Variants in CALN1 observed in about 807,000 individuals in gnomAD.
CALN1 encodes the protein calneuron 1.
CALN1 carries 17 observed loss-of-function variants against 30.6 expected under a neutral mutation model. The observed-to-expected ratio is 0.56, with a 90% CI of 0.38 to 0.83. The LOEUF is 0.83. Ranked by LOEUF, CALN1 falls within the 40% of genes least tolerant of loss-of-function variation. The pLI, the probability that CALN1 is intolerant of heterozygous loss-of-function variation, is 0.00. For synonymous variants in CALN1, 156 were observed against 131.4 expected (o/e 1.19, Z -1.28); for missense variants, 291 against 354.9 (o/e 0.82, Z 1.45).
chr7:72,232,833 TA>T (rs781016306), intron 3 of CALN1, among the ~76,000 whole-genome samples: 10 of 152,160 alleles, frequency 6.6e-5, no homozygotes, highest in East Asian at 3.8e-4. Context: ...TAATACAACA[TA>T]AAAAGCCAAA....
intron 2 of CALN1, among the ~76,000 whole-genome samples, chr7:72,395,735 T>C (rs1585653116): frequency 6.6e-6 from 1 of 152,062 alleles, no homozygotes; most frequent in Non-Finnish European, 1.5e-5. Flanking sequence ...GAAACTCCCA[T>C]TGGATGTCGA....
chr7:72,289,499 A>G (rs1798326954), intron 2 of CALN1, among the ~76,000 whole-genome samples: 1 of 152,238 alleles, frequency 6.6e-6, no homozygotes, highest in South Asian at 2.1e-4. Flanking sequence ...TGGTCTCAAA[A>G]AGAAACACTC....
chr7:71,858,961 C>T (rs796716317), intron 5 of CALN1, among the ~76,000 whole-genome samples: 5 of 152,304 alleles, frequency 3.3e-5, no homozygotes, highest in African/African-American at 9.6e-5. Flanking sequence ...AGACCTGTCT[C>T]GGATATTTTG....
chr7:72,010,395 G>A (rs554761317), intron 5 of CALN1, among the ~76,000 whole-genome samples: 1 of 152,242 alleles, frequency 6.6e-6, no homozygotes, highest in East Asian at 1.9e-4. Context: ...GTAGTATTTA[G>A]TTACTGCAGC....
chr7:72,114,727 C>T (rs1180613199), intron 3 of CALN1, among the ~76,000 whole-genome samples: 2 of 151,756 alleles, frequency 1.3e-5, no homozygotes, highest in Admixed American at 6.6e-5. Context: ...GGCATGGCGG[C>T]TCATGCCTGT....
At chr7:72,181,869 T>C (rs1032154207) in intron 3 of CALN1, among the ~76,000 whole-genome samples, 8 of 152,338 alleles carry the variant, frequency 5.3e-5, no homozygotes, top group Non-Finnish European at 1.0e-4. Flanking sequence ...CTATCCAACA[T>C]ATCTCTATCA....
intron 5 of CALN1, among the ~76,000 whole-genome samples, chr7:72,008,790 G>C (rs1799916887): frequency 6.6e-6 from 1 of 151,500 alleles, no homozygotes; most frequent in Admixed American, 6.6e-5. Context: ...TATGTAGCTG[G>C]GATTACAGGT....
chr7:72,006,833 T>C (rs903131074), intron 5 of CALN1, among the ~76,000 whole-genome samples: 15 of 152,146 alleles, frequency 9.9e-5, no homozygotes, highest in African/African-American at 3.6e-4. Flanking sequence ...CCTCCAACCC[T>C]AGTCCGAGTC....
chr7:72,305,144 A>G (rs551977404), intron 2 of CALN1, among the ~76,000 whole-genome samples: 56 of 152,318 alleles, frequency 3.7e-4, no homozygotes, highest in Middle Eastern at 6.8e-3. Flanking sequence ...CAGGACAGAC[A>G]TGTGCCTCCC....
chr7:72,094,768 G>T (rs939448934), intron 4 of CALN1, among the ~76,000 whole-genome samples: 22 of 152,242 alleles, frequency 1.4e-4, no homozygotes, highest in Middle Eastern at 3.4e-3. Flanking sequence ...CATGTCCCAA[G>T]CAAGTCTGAA....
intron 3 of CALN1, among the ~76,000 whole-genome samples, chr7:72,276,773 G>A (rs941300756): frequency 5.9e-5 from 9 of 152,046 alleles, no homozygotes; most frequent in African/African-American, 2.2e-4. Flanking sequence ...CTATGCACTT[G>A]GACTTCCCAG....
At chr7:72,320,080 C>T (rs1045483054) in intron 2 of CALN1, among the ~76,000 whole-genome samples, 1 of 151,858 alleles carries the variant, frequency 6.6e-6, no homozygotes, top group Non-Finnish European at 1.5e-5. Flanking sequence ...GAGATCGTGC[C>T]GTTACACTCC....
chr7:71,916,748 G>T (rs1293794293), intron 5 of CALN1, among the ~76,000 whole-genome samples: 1 of 152,056 alleles, frequency 6.6e-6, no homozygotes, highest in Middle Eastern at 3.2e-3. Flanking sequence ...CATGGCAGAT[G>T]TTTACCTGTG....
chr7:72,387,293 G>T (rs1585633943), intron 2 of CALN1, among the ~76,000 whole-genome samples: 1 of 124,324 alleles, frequency 8.0e-6, no homozygotes, highest in African/African-American at 3.1e-5. Context: ...AGGGAGGGAG[G>T]GAGGGAGGGA....
chr7:72,097,780 C>G (rs943757078), intron 4 of CALN1, among the ~76,000 whole-genome samples: 1 of 152,032 alleles, frequency 6.6e-6, no homozygotes, highest in Admixed American at 6.5e-5. Context: ...ATGGCACAAT[C>G]TCGGCTCACC....
chr7:72,465,491 A>G, the CALN1 span, among the ~76,000 whole-genome samples: 3 of 152,136 alleles, frequency 2.0e-5, no homozygotes, highest in Non-Finnish European at 4.4e-5. Context: ...GTGTGTTTGT[A>G]TCAGGGCTAA....
chr7:71,862,856 C>T (rs370333713), intron 5 of CALN1, among the ~76,000 whole-genome samples: 2 of 152,160 alleles, frequency 1.3e-5, no homozygotes, highest in Admixed American at 6.5e-5. Flanking sequence ...GGAGACAGGG[C>T]GCCCTCCAGT....
chr7:71,936,637 G>C (rs1795850879), intron 5 of CALN1, among the ~76,000 whole-genome samples: 1 of 152,114 alleles, frequency 6.6e-6, no homozygotes, highest in African/African-American at 2.4e-5. Flanking sequence ...AACTGCCCTT[G>C]TTTCTAAGGT....
intron 2 of CALN1, among the ~76,000 whole-genome samples, chr7:72,301,754 C>G (rs951269204): frequency 6.6e-6 from 1 of 152,042 alleles, no homozygotes; most frequent in Admixed American, 6.6e-5. Flanking sequence ...ACAATGAAGC[C>G]TACTGGTCAA....
Sources: gnomAD v4.1 joint callset for allele counts (sites outside exome capture counted in the v4.1 genomes callset) on GRCh38, gnomAD v4.1.1 for gene constraint, MANE v1.5 for transcripts, NCBI Gene and HGNC (gene_info 2026-07-23, HGNC 2026-07-21) for gene names.